Variants in UNC13C observed in about 807,000 individuals in gnomAD.
UNC13C encodes protein unc-13 homolog C.
In UNC13C, 174 loss-of-function variants were observed where a neutral mutation model predicts 245.4. The ratio of observed to expected loss-of-function variants is 0.71; its 90% confidence interval spans 0.63 to 0.80. The LOEUF (loss-of-function observed/expected upper bound fraction) is 0.80, where lower values mean the gene tolerates loss of function less well. Among genes scored for constraint, UNC13C ranks in the 30% least tolerant of loss-of-function variants. The probability of loss-of-function intolerance (pLI) is 0.00; values close to 1 mark genes in which losing one functional copy is unlikely to be tolerated. For synonymous variants in UNC13C, 992 were observed against 895.1 expected (o/e 1.11, Z -1.93); for missense variants, 2,829 against 2,602.9 (o/e 1.09, Z -1.89).
intron 2 of UNC13C, among the ~76,000 whole-genome samples, chr15:54,113,105 C>A (rs964267225): frequency 6.6e-6 from 1 of 151,574 alleles, no homozygotes; most frequent in Non-Finnish European, 1.5e-5. Context: ...TTCCACCTCT[C>A]CTCCACACTC....
At chr15:54,455,797 G>C (rs1567289859) in intron 19 of UNC13C, among the ~76,000 whole-genome samples, 1 of 151,966 alleles carries the variant, frequency 6.6e-6, no homozygotes, top group Non-Finnish European at 1.5e-5. Context: ...AGTTTGCAAA[G>C]ATTTTCTCCC....
At chr15:54,504,232 G>A (rs1448147700) in intron 22 of UNC13C, among the ~76,000 whole-genome samples, 1 of 152,152 alleles carries the variant, frequency 6.6e-6, no homozygotes, top group African/African-American at 2.4e-5. Flanking sequence ...GAGTCTGGCT[G>A]TTTGCCAGGT....
At chr15:54,430,137 A>G (rs17237606) in intron 19 of UNC13C, among the ~76,000 whole-genome samples, 26,408 of 151,600 alleles carry the variant, frequency 0.17, 2,531 homozygotes, top group Middle Eastern at 0.23. Context: ...GACATGTTTG[A>G]TAAGTGAAAA....
intron 1 of UNC13C, among the ~76,000 whole-genome samples, chr15:53,993,383 G>A (rs74016051): frequency 0.039 from 5,965 of 152,140 alleles, 218 homozygotes; most frequent in African/African-American, 0.087. Context: ...GCACTTGACC[G>A]TGAACCTCTC....
chr15:54,286,156 C>T (rs899775844), intron 10 of UNC13C, among the ~76,000 whole-genome samples: 1 of 152,230 alleles, frequency 6.6e-6, no homozygotes, highest in African/African-American at 2.4e-5. Context: ...GCTAGGATTA[C>T]AGGCGTGAGC....
At chr15:53,935,435 A>G in the UNC13C span, among the ~76,000 whole-genome samples, 1 of 152,202 alleles carries the variant, frequency 6.6e-6, no homozygotes, top group Admixed American at 6.5e-5. Context: ...ACTGAATCAC[A>G]AAGAAATGTA....
chr15:54,282,440 C>T (rs1456777359), intron 10 of UNC13C, among the ~76,000 whole-genome samples: 1 of 152,124 alleles, frequency 6.6e-6, no homozygotes, highest in East Asian at 1.9e-4. Flanking sequence ...TAGCCAGCTG[C>T]TCTGAGTATA....
intron 25 of UNC13C, among the ~76,000 whole-genome samples, chr15:54,532,406 T>C (rs140266138): frequency 0.011 from 1,667 of 152,240 alleles, 18 homozygotes; most frequent in Non-Finnish European, 0.017. Context: ...CTATTCACAA[T>C]AGCAAAGTAA....
intron 2 of UNC13C, among the ~76,000 whole-genome samples, chr15:54,141,630 TA>T (rs1362800010): frequency 6.6e-6 from 1 of 152,062 alleles, no homozygotes; most frequent in East Asian, 1.9e-4. Flanking sequence ...TATGTCATAT[TA>T]GATTAGTCAT....
chr15:54,594,372 G>A (rs141511077), intron 30 of UNC13C, among the ~76,000 whole-genome samples: 6 of 152,022 alleles, frequency 3.9e-5, no homozygotes, highest in African/African-American at 4.8e-5. Flanking sequence ...ATTGGTGGGC[G>A]ATGCCTTAGA....
rs1232395938 is a variant in UNC13C, at chr15:54,533,016, A to C, written c.5646A>C (p.Ala1882=). 4 of 1,600,746 alleles carry C rather than the reference A, an allele frequency of 2.5e-6. No individual in the cohort carries two copies. In the Admixed American group the frequency reaches 5.2e-5, roughly 21 times the overall value. Residue 1882 remains alanine, a synonymous_variant, in exon 26 of 33, where the codon GCA becomes GCC. Transcript: ENST00000260323. ...GNTTSNKNSA[A]MDAEIVLRSL... ...CCACATCTAATAAGAACAGTGCAGC[A>C]ATGGATGCAGAGATTGTGTTAAGAT...
chr15:54,084,363 A>AGT (rs1013154254), intron 2 of UNC13C, among the ~76,000 whole-genome samples: 20 of 152,248 alleles, frequency 1.3e-4, no homozygotes, highest in African/African-American at 4.8e-4. Context: ...GTGTTTTGTG[A>AGT]GTATATGAGT....
intron 16 of UNC13C, among the ~76,000 whole-genome samples, chr15:54,337,581 A>C (rs1429102402): frequency 6.6e-6 from 1 of 152,044 alleles, no homozygotes; most frequent in Non-Finnish European, 1.5e-5. Context: ...CTTTTTTTCT[A>C]AATTTTACCA....
At chr15:54,427,830 T>A (rs60861744) in intron 19 of UNC13C, among the ~76,000 whole-genome samples, 24,767 of 151,706 alleles carry the variant, frequency 0.16, 2,055 homozygotes, top group East Asian at 0.18. Context: ...TGTTCATGGA[T>A]TATAATGTTG....
chr15:54,227,826 G>T (rs2035435299), intron 4 of UNC13C, among the ~76,000 whole-genome samples: 1 of 152,180 alleles, frequency 6.6e-6, no homozygotes, highest in African/African-American at 2.4e-5. Flanking sequence ...ACTGGGTCTT[G>T]CCCAAGGCCT....
intron 16 of UNC13C, 57 bp downstream of exon 16, chr15:54,333,913 T>G: frequency 7.6e-7 from 1 of 1,320,076 alleles, no homozygotes. Flanking sequence ...ATTCATCCCC[T>G]GGTAAAGTCT....
chr15:54,429,931 T>A (rs1034999397), intron 19 of UNC13C, among the ~76,000 whole-genome samples: 2 of 151,718 alleles, frequency 1.3e-5, no homozygotes, highest in African/African-American at 4.8e-5. Context: ...TTATCTTTTA[T>A]ACTTAAAAAT....
chr15:54,265,281 A>T (rs2036524411), intron 9 of UNC13C, 74 bp from the exon 10 acceptor site: 1 of 1,238,762 alleles, frequency 8.1e-7, no homozygotes, highest in Non-Finnish European at 1.0e-6. Flanking sequence ...ATGACAGAAA[A>T]ATTGTCTTTG....
intron 1 of UNC13C, among the ~76,000 whole-genome samples, chr15:54,005,046 C>T (rs1272015548): frequency 2.0e-5 from 3 of 152,068 alleles, no homozygotes; most frequent in African/African-American, 4.8e-5. Flanking sequence ...GCTCTGGTCA[C>T]CTGTGTTTCT....
Sources: allele counts gnomAD v4.1 joint callset (sites outside exome capture counted in the v4.1 genomes callset), GRCh38; gene constraint gnomAD v4.1.1; transcripts MANE v1.5; gene names NCBI Gene and HGNC (gene_info 2026-07-23, HGNC 2026-07-21).